Variants in RNF130 observed in about 807,000 individuals in gnomAD.
The protein encoded by RNF130 is ring finger protein 130, also known as E3 ubiquitin-protein ligase RNF130.
A neutral mutation model predicts 44.6 loss-of-function variants in RNF130; 21 were observed. That is an observed-to-expected ratio of 0.47 (90% CI 0.33 to 0.68). The LOEUF (loss-of-function observed/expected upper bound fraction) is 0.68. RNF130 is among the 30% of genes least tolerant of loss of function. The pLI is 0.02. For synonymous variants in RNF130, 214 were observed against 210.4 expected (o/e 1.02, Z -0.15); for missense variants, 479 against 560.6 (o/e 0.85, Z 1.47).
chr5:179,955,550 T>A lies in RNF130; in HGVS notation c.*104A>T, dbSNP rs568149704. 3 of 921,962 alleles carry A rather than the reference T, an allele frequency of 3.3e-6. No individual in the cohort carries two copies. The Admixed American group carries it at 7.1e-5, about 22-fold the overall frequency. 57.1% of individuals were successfully genotyped at this position (921,962 alleles called of 1,614,324 possible). A position where few individuals can be genotyped will look rare whatever the true frequency, so the allele number is the denominator to read the frequency against. ...AGCAATTTTATGAAAAAATAAAATGTACTAAAAATAAATGCTTGTGTGGCA... is the reference window on the plus strand; with the variant it reads ...AGCAATTTTATGAAAAAATAAAATGAACTAAAAATAAATGCTTGTGTGGCA... On this transcript the variant is annotated 3_prime_UTR_variant, in exon 9 of 9. Transcript: ENST00000521389.
intron 7 of RNF130, among the ~76,000 whole-genome samples, chr5:179,939,031 C>A (rs1432533270): frequency 1.3e-5 from 2 of 152,090 alleles, no homozygotes; most frequent in African/African-American, 4.8e-5. Flanking sequence ...GAGTTCAAGA[C>A]CAGCCTGGCC....
chr5:180,011,437 A>G (rs963772200), intron 3 of RNF130, among the ~76,000 whole-genome samples: 3 of 152,224 alleles, frequency 2.0e-5, no homozygotes, highest in Admixed American at 6.5e-5. Context: ...ACAGGGCATC[A>G]TATCTCAAAC....
At chr5:180,042,509 A>C (rs1333261932) in intron 1 of RNF130, among the ~76,000 whole-genome samples, 2 of 152,218 alleles carry the variant, frequency 1.3e-5, no homozygotes, top group South Asian at 4.1e-4. Flanking sequence ...ATGCACTATA[A>C]AACTTTAAAA....
chr5:180,020,858 A>G (rs1481012585), intron 2 of RNF130, among the ~76,000 whole-genome samples: 2 of 152,176 alleles, frequency 1.3e-5, no homozygotes, highest in East Asian at 3.9e-4. Flanking sequence ...TCAGTGAAGA[A>G]TTTCCAGGGG....
intron 2 of RNF130, among the ~76,000 whole-genome samples, chr5:180,030,502 C>T (rs549909666): frequency 2.0e-5 from 3 of 152,164 alleles, no homozygotes; most frequent in Admixed American, 6.5e-5. Context: ...AATTCACTCA[C>T]GCCGTTTTTA....
chr5:179,959,066 G>A (rs1376739615), intron 8 of RNF130, among the ~76,000 whole-genome samples: 1 of 152,170 alleles, frequency 6.6e-6, no homozygotes, highest in East Asian at 1.9e-4. Context: ...GCATCACTCT[G>A]TATGCACTGG....
intron 1 of RNF130, among the ~76,000 whole-genome samples, chr5:180,051,785 A>C (rs1455319166): frequency 2.0e-5 from 3 of 152,246 alleles, no homozygotes; most frequent in Admixed American, 6.5e-5. Context: ...AATAAAAAGC[A>C]TCTTAAGAGT....
chr5:179,966,609 T>C (rs754235346), intron 7 of RNF130, among the ~76,000 whole-genome samples, 197 bp downstream of exon 7: 18 of 152,258 alleles, frequency 1.2e-4, no homozygotes, highest in Non-Finnish European at 2.2e-4. Context: ...TTCCTATTAA[T>C]TATACACAAA....
chr5:179,995,745 C>T (rs1225931525), intron 3 of RNF130, among the ~76,000 whole-genome samples: 3 of 152,196 alleles, frequency 2.0e-5, no homozygotes, highest in African/African-American at 2.4e-5. Context: ...AACACTGACT[C>T]CCCATCTCCT....
chr5:179,947,753 TA>T (rs1762065777), intron 7 of RNF130, among the ~76,000 whole-genome samples: 1 of 152,218 alleles, frequency 6.6e-6, no homozygotes, highest in Admixed American at 6.5e-5. Context: ...CAAACAAAAG[TA>T]TATGTGTGTA....
At chr5:179,982,989 T>A (rs992520442) in intron 3 of RNF130, among the ~76,000 whole-genome samples, 4 of 152,210 alleles carry the variant, frequency 2.6e-5, no homozygotes, top group African/African-American at 7.2e-5. Context: ...TCTGTTCATG[T>A]GTTTTGCCTA....
chr5:179,965,261 C>T (rs920885302), intron 7 of RNF130, among the ~76,000 whole-genome samples: 3 of 152,230 alleles, frequency 2.0e-5, no homozygotes, highest in Non-Finnish European at 2.9e-5. Flanking sequence ...CCTCTGCCCC[C>T]AGTGCCTACT....
rs775890460 is a variant in RNF130 at position 179,978,301 on chromosome 5, C to G, written c.766-16G>C. ...GGTCAGTTTCCTAAAATGAAAAGTA[C>G]AGAAACAAAAAGTCACACGCTGCAA... On this transcript the variant is annotated splice_polypyrimidine_tract_variant and intron_variant, in intron 4 of 8. Transcript: ENST00000521389. 9 of 1,592,762 alleles carry G rather than the reference C, an allele frequency of 5.7e-6. No individual in the cohort carries two copies. The highest frequency in any genetic ancestry group is 7.8e-6 in the Non-Finnish European group (9 of 1,160,674).
At chr5:179,980,225 G>A in intron 3 of RNF130, 25 bp from the exon 4 acceptor site, 1 of 1,606,668 alleles carries the variant, frequency 6.2e-7, no homozygotes, top group Non-Finnish European at 8.5e-7. Context: ...AATAAAAACA[G>A]ATACTAAGTG....
chr5:179,970,549 A>G (rs776275389), intron 5 of RNF130, 43 bp from the exon 6 acceptor site: 5 of 1,475,270 alleles, frequency 3.4e-6, no homozygotes, highest in Admixed American at 3.8e-5. Flanking sequence ...ACATACCAAG[A>G]AACTTATTAG....
Position 180,013,249 on chromosome 5 carries a change from G to A in RNF130, c.505C>T (p.Leu169=). The A allele has an allele frequency of 4.5e-5, 73 of 1,614,000 alleles. No homozygotes were observed. Among genetic ancestry groups the A allele is most frequent in the Non-Finnish European group, 6.0e-5 (71 of 1,179,968 alleles). ...ELRGKDILSY[L]EKNISVQMTI... ...ATTTGTACAGAGATGTTTTTCTCCA[G>A]ATAACTCAAAATATCCTTACCCCTC... The change falls in exon 3 of 9, where the codon CTG becomes TTG. Residue 169 remains leucine, a synonymous_variant. Transcript: ENST00000521389.
intron 2 of RNF130, among the ~76,000 whole-genome samples, chr5:180,018,586 C>T (rs1249577477): frequency 2.6e-5 from 4 of 152,078 alleles, no homozygotes; most frequent in African/African-American, 9.7e-5. Flanking sequence ...GGTGGGGACA[C>T]AGAGCCAAAC....
At chr5:179,937,549 G>A (rs1446195491) in intron 7 of RNF130, among the ~76,000 whole-genome samples, 1 of 152,166 alleles carries the variant, frequency 6.6e-6, no homozygotes, top group Non-Finnish European at 1.5e-5. Context: ...AAGGAGGGGG[G>A]ATAACAAGTG....
intron 2 of RNF130, 21 bp from the exon 3 acceptor site, chr5:180,013,332 A>G (rs376361582): frequency 8.2e-6 from 13 of 1,579,086 alleles, no homozygotes; most frequent in Admixed American, 1.8e-5. Context: ...AAATAAATAT[A>G]TAACTCAAGT....
Sources: allele counts gnomAD v4.1 joint callset (sites outside exome capture counted in the v4.1 genomes callset), GRCh38; gene constraint gnomAD v4.1.1; transcripts MANE v1.5; gene names NCBI Gene and HGNC (gene_info 2026-07-23, HGNC 2026-07-21).